The following CIMIP2B variants were observed in gnomAD, a reference collection of about 807,000 sequenced individuals.
The protein encoded by CIMIP2B is family with sequence similarity 166 member B.
chr9:35,563,183 A>G, the CIMIP2B span: 4 of 1,613,866 alleles, frequency 2.5e-6, no homozygotes, highest in African/African-American at 4.0e-5. Flanking sequence ...CCCAGGGATC[A>G]TGCTGGAGCT....
At chr9:35,563,766 C>T in the CIMIP2B span, 3 of 1,613,630 alleles carry the variant, frequency 1.9e-6, no homozygotes, top group East Asian at 2.2e-5. Context: ...GGGAGTCTTA[C>T]CCTGGGATAT....
chr9:35,562,349 T>G, the CIMIP2B span: 2 of 1,403,680 alleles, frequency 1.4e-6, no homozygotes, highest in Admixed American at 2.9e-5. Context: ...AACATTCCAG[T>G]CCCCAAAGCC....
the CIMIP2B span, chr9:35,563,221 T>A: frequency 1.2e-6 from 2 of 1,613,798 alleles, no homozygotes; most frequent in Admixed American, 1.7e-5. Context: ...GCCTGACAGG[T>A]AGACTCTCCC....
the CIMIP2B span, chr9:35,562,935 CTTCTCTGTGTCCT>C: frequency 6.2e-7 from 1 of 1,614,058 alleles, no homozygotes; most frequent in Non-Finnish European, 8.5e-7. Flanking sequence ...GCACCTGGTC[CTTCTCTGTGTCCT>C]TTCTTCCCTT....
chr9:35,563,264 G>T, the CIMIP2B span: 6 of 1,613,896 alleles, frequency 3.7e-6, no homozygotes, highest in Non-Finnish European at 5.1e-6. Context: ...AGGCCGAATG[G>T]GAGGCAGAAG....
chr9:35,562,981 C>G, the CIMIP2B span: 1 of 1,614,024 alleles, frequency 6.2e-7, no homozygotes, highest in South Asian at 1.1e-5. Context: ...TAGCTCTTCA[C>G]TCCCTTGCTT....
At chr9:35,562,054 G>C in the CIMIP2B span, 1 of 1,535,690 alleles carries the variant, frequency 6.5e-7, no homozygotes, top group Non-Finnish European at 8.7e-7. Context: ...AGAGCATCAT[G>C]GGTGAGATGG....
chr9:35,563,351 C>T, the CIMIP2B span: 1 of 1,613,832 alleles, frequency 6.2e-7, no homozygotes, highest in Non-Finnish European at 8.5e-7. Flanking sequence ...ATAGGTCTGG[C>T]CCACGCTGAA....
the CIMIP2B span, chr9:35,562,667 G>A: frequency 3.0e-5 from 49 of 1,613,542 alleles, no homozygotes; most frequent in Admixed American, 3.3e-4. Flanking sequence ...AAGAACTTCC[G>A]AGGGTCCCTG....
chr9:35,563,719 T>C, the CIMIP2B span: 1 of 1,560,144 alleles, frequency 6.4e-7, no homozygotes, highest in Non-Finnish European at 8.8e-7. Flanking sequence ...CTCCACCCTA[T>C]ACCCCTACTC....
chr9:35,562,246 A>G, the CIMIP2B span: 7 of 1,052,158 alleles, frequency 6.7e-6, no homozygotes, highest in Non-Finnish European at 8.1e-6. Flanking sequence ...TTTCTGCCTG[A>G]TAATAAAGCT....
At chr9:35,562,827 A>AC in the CIMIP2B span, 10 of 1,611,042 alleles carry the variant, frequency 6.2e-6, no homozygotes, top group South Asian at 5.5e-5. Context: ...ACACAGTAAG[A>AC]CCCCCACTCC....
chr9:35,563,682 G>T, the CIMIP2B span: 1 of 1,304,176 alleles, frequency 7.7e-7, no homozygotes. Flanking sequence ...CTGTCCGCTT[G>T]GCCCCATGCT....
At chr9:35,562,124 T>A in the CIMIP2B span, 1 of 1,465,978 alleles carries the variant, frequency 6.8e-7, no homozygotes, top group East Asian at 2.5e-5. Flanking sequence ...CTGTCACATG[T>A]AGCAAGTGGC....
At chr9:35,562,573 G>T in the CIMIP2B span, 3 of 1,601,018 alleles carry the variant, frequency 1.9e-6, no homozygotes, top group Non-Finnish European at 2.6e-6. Context: ...AGCCAGTGAA[G>T]CCTGAGGATG....
chr9:35,563,649 A>G, the CIMIP2B span: 4 of 909,560 alleles, frequency 4.4e-6, no homozygotes, highest in South Asian at 1.6e-5. Context: ...ACCACCATAG[A>G]GACCTCAGCC....
Sources: gnomAD v4.1 joint callset for allele counts on GRCh38, gnomAD v4.1.1 for gene constraint, MANE v1.5 for transcripts, NCBI Gene and HGNC (gene_info 2026-07-23, HGNC 2026-07-21) for gene names.